Variants in NAV3 observed in about 807,000 individuals in gnomAD.
NAV3 encodes the protein neuron navigator 3.
A neutral mutation model predicts 244.7 loss-of-function variants in NAV3; 87 were observed. The observed-to-expected ratio is 0.36, with a 90% CI of 0.30 to 0.42. The LOEUF (loss-of-function observed/expected upper bound fraction) is 0.42, where lower values mean the gene tolerates loss of function less well. NAV3 is among the 20% of genes least tolerant of loss of function. NAV3 has a pLI of 1.00. For missense variants in NAV3, 2,663 were observed against 2,893.3 expected (o/e 0.92, Z 1.83); for synonymous variants, 1,126 against 1,042.2 (o/e 1.08, Z -1.55).
At chr12:78,013,628 A>ATG (rs773739397) in intron 8 of NAV3, among the ~76,000 whole-genome samples, 9 of 152,094 alleles carry the variant, frequency 5.9e-5, no homozygotes, top group Non-Finnish European at 1.0e-4. Flanking sequence ...ATGTATGTAT[A>ATG]TGTGTGTGTG....
chr12:78,075,694 G>T (rs192644303), intron 12 of NAV3, among the ~76,000 whole-genome samples: 1 of 152,256 alleles, frequency 6.6e-6, no homozygotes, highest in East Asian at 1.9e-4. Context: ...TACCTGAAAC[G>T]GTTTGGGGAA....
chr12:78,207,200 C>T (rs1433572993), intron 39 of NAV3, among the ~76,000 whole-genome samples: 22 of 152,042 alleles, frequency 1.4e-4, no homozygotes, highest in Admixed American at 1.4e-3. Flanking sequence ...AAGAAACATC[C>T]ACTATTTAGT....
At chr12:77,843,145 C>A (rs556946031) in intron 1 of NAV3, among the ~76,000 whole-genome samples, 3 of 152,244 alleles carry the variant, frequency 2.0e-5, no homozygotes, top group African/African-American at 7.2e-5. Flanking sequence ...AAAGCACCTG[C>A]TTTTTATACT....
intron 2 of NAV3, among the ~76,000 whole-genome samples, chr12:77,573,178 T>G (rs949359446): frequency 3.9e-5 from 6 of 152,172 alleles, no homozygotes; most frequent in African/African-American, 4.8e-5. Context: ...AGCTTTGTTT[T>G]TACATCAGTC....
chr12:77,983,445 A>G (rs1359157533), intron 5 of NAV3, among the ~76,000 whole-genome samples: 1 of 152,174 alleles, frequency 6.6e-6, no homozygotes, highest in Admixed American at 6.5e-5. Flanking sequence ...ATAATATGAT[A>G]GTGGAAACAG....
intron 33 of NAV3, 101 bp downstream of exon 33, chr12:78,188,878 T>C (rs1238052351): frequency 2.8e-6 from 3 of 1,052,706 alleles, no homozygotes; most frequent in Non-Finnish European, 4.1e-6. Flanking sequence ...AATTTTTCTA[T>C]TTGAAAACTC....
intron 11 of NAV3, among the ~76,000 whole-genome samples, chr12:78,053,034 C>A (rs1566067003): frequency 6.6e-6 from 1 of 151,862 alleles, no homozygotes; most frequent in Non-Finnish European, 1.5e-5. Context: ...GCCTGCCCAA[C>A]ATGGCAAAAA....
At chr12:78,207,258 G>T (rs1235807915) in intron 39 of NAV3, among the ~76,000 whole-genome samples, 1 of 152,162 alleles carries the variant, frequency 6.6e-6, no homozygotes, top group African/African-American at 2.4e-5. Context: ...CAGGGAAGAA[G>T]AGAGGAGAGA....
intron 25 of NAV3, 95 bp from the exon 26 acceptor site, chr12:78,176,344 A>G (rs421616): frequency 0.068 from 81,635 of 1,200,306 alleles, 3,113 homozygotes; most frequent in African/African-American, 0.12. Context: ...ATATCTTTTT[A>G]TCTTAAAAAA....
intron 1 of NAV3, among the ~76,000 whole-genome samples, chr12:77,851,680 A>G (rs371591354): frequency 9.2e-5 from 14 of 152,328 alleles, no homozygotes; most frequent in African/African-American, 3.4e-4. Context: ...TATCTCAAAA[A>G]TGCATACTCC....
chr12:77,663,104 T>A (rs1873540814), intron 2 of NAV3, among the ~76,000 whole-genome samples: 1 of 152,220 alleles, frequency 6.6e-6, no homozygotes, highest in South Asian at 2.1e-4. Context: ...AGCACAAATC[T>A]TTTTTATTAT....
At chr12:77,879,231 G>A (rs371643172) in intron 1 of NAV3, among the ~76,000 whole-genome samples, 6 of 152,088 alleles carry the variant, frequency 3.9e-5, no homozygotes, top group Admixed American at 3.3e-4. Flanking sequence ...TGAACCATGC[G>A]ATTTTAGAGC....
intron 1 of NAV3, among the ~76,000 whole-genome samples, chr12:77,861,709 T>G (rs1206234149): frequency 6.6e-6 from 1 of 151,786 alleles, no homozygotes; most frequent in Non-Finnish European, 1.5e-5. Context: ...GGGGGTAGAT[T>G]ATTGAAAAAA....
At chr12:78,194,051 T>C (rs894199136) in intron 34 of NAV3, among the ~76,000 whole-genome samples, 5 of 152,136 alleles carry the variant, frequency 3.3e-5, no homozygotes, top group African/African-American at 9.7e-5. Context: ...TTCTGTTCTC[T>C]CTCACTTTTA....
At chr12:77,806,444 AG>A (rs1871985406) in intron 2 of NAV3, among the ~76,000 whole-genome samples, 1 of 152,198 alleles carries the variant, frequency 6.6e-6, no homozygotes, top group Non-Finnish European at 1.5e-5. Context: ...ATTCAGGAGC[AG>A]GTTGTTCAGT....
At chr12:77,929,196 T>C (rs1293634997) in intron 1 of NAV3, among the ~76,000 whole-genome samples, 1 of 152,228 alleles carries the variant, frequency 6.6e-6, no homozygotes, top group East Asian at 1.9e-4. Flanking sequence ...ACCAGGATTT[T>C]AATATATTAA....
intron 2 of NAV3, among the ~76,000 whole-genome samples, chr12:77,621,654 AT>A (rs1199819945): frequency 6.6e-6 from 1 of 151,608 alleles, no homozygotes; most frequent in Admixed American, 6.6e-5. Context: ...TAATTTTTGT[AT>A]TTTTATTAGA....
At chr12:78,094,621 C>T (rs389246) in intron 12 of NAV3, among the ~76,000 whole-genome samples, 151,190 of 152,378 alleles carry the variant, frequency 0.99, 75,023 homozygotes, top group East Asian at 1. Context: ...TTATTTACTT[C>T]AGTTATTCTT....
rs1956414955 is a variant in NAV3 at position 78,137,287 on chromosome 12, T to C, written c.4552T>C (p.Cys1518Arg). 6.2e-7 allele frequency: 1 copy of C among 1,613,784 alleles called. No homozygotes were observed. The highest frequency in any genetic ancestry group is 1.3e-5 in the African/African-American group (1 of 75,004). The change falls in exon 19 of 40, where the codon TGT becomes CGT. Residue 1518 changes from cysteine (C) to arginine (R), a missense_variant. Around this residue, in one of 6 missense-constraint regions of NAV3, gnomAD observed 354 missense variants for 413.0 expected, o/e 0.86. Coordinates refer to ENST00000397909, the MANE Select transcript of NAV3 (RefSeq NM_001024383.2). ...CGATCTCTATGATGACTCCCAGCTTTGTGGGAGTGCCACTTCTCTGGAGGA... is the reference window on the plus strand; with the variant it reads ...CGATCTCTATGATGACTCCCAGCTTCGTGGGAGTGCCACTTCTCTGGAGGA... ...SFDLYDDSQL[C>R]GSATSLEERP...
Sources: allele counts gnomAD v4.1 joint callset (sites outside exome capture counted in the v4.1 genomes callset), GRCh38; gene constraint gnomAD v4.1.1; regional missense constraint gnomAD v4.1.1; transcripts MANE v1.5; gene names NCBI Gene and HGNC (gene_info 2026-07-23, HGNC 2026-07-21).